The following ATG10 variants were observed in gnomAD, a reference collection of about 807,000 sequenced individuals.
ATG10 encodes the protein autophagy related 10, also known as ubiquitin-like-conjugating enzyme ATG10.
A neutral mutation model predicts 32.1 loss-of-function variants in ATG10; 30 were observed. That is an observed-to-expected ratio of 0.94 (90% CI 0.70 to 1.27). The LOEUF is 1.27. Ranked by LOEUF, ATG10 falls within the 50% of genes most tolerant of loss-of-function variation. The pLI is 0.00. For missense variants in ATG10, 233 were observed against 262.3 expected (o/e 0.89, Z 0.77); for synonymous variants, 87 against 91.5 (o/e 0.95, Z 0.28).
intron 2 of ATG10, among the ~76,000 whole-genome samples, chr5:82,009,161 C>G (rs1762061290): frequency 1.3e-5 from 2 of 152,150 alleles, no homozygotes; most frequent in African/African-American, 4.8e-5. Flanking sequence ...AAGACTCTTT[C>G]TCCTGAACAG....
chr5:82,100,207 A>G (rs1243098415), intron 3 of ATG10, among the ~76,000 whole-genome samples: 1 of 151,658 alleles, frequency 6.6e-6, no homozygotes. Flanking sequence ...GGGTTTCACC[A>G]TGTTGGCCAG....
At chr5:82,097,039 G>A (rs528139549) in intron 3 of ATG10, among the ~76,000 whole-genome samples, 3 of 152,078 alleles carry the variant, frequency 2.0e-5, no homozygotes, top group Non-Finnish European at 2.9e-5. Flanking sequence ...TCTAAATTAA[G>A]CAAAATTTAA....
chr5:82,176,746 C>T (rs1744044748), intron 4 of ATG10, among the ~76,000 whole-genome samples: 1 of 152,120 alleles, frequency 6.6e-6, no homozygotes, highest in African/African-American at 2.4e-5. Flanking sequence ...TGTAGCTAAA[C>T]ATGACATTCA....
Position 82,254,990 on chromosome 5 carries a change from T to C in ATG10, c.*927T>C, listed in dbSNP as rs1038042506. On this transcript the variant is annotated 3_prime_UTR_variant, in exon 8 of 8. Coordinates refer to ENST00000282185, the MANE Select transcript of ATG10 (RefSeq NM_031482.5). ...CACAATATTTTACTGTGAGATAATA[T>C]GTTTTACCAGCAAAGTGTGGCATAG... 5.9e-5 allele frequency: 9 copies of C among 152,042 alleles called. No homozygotes were observed. Among genetic ancestry groups the C allele is most frequent in the African/African-American group, 2.2e-4 (9 of 41,400 alleles). 9.4% of individuals were successfully genotyped at this position (152,042 alleles called of 1,614,324 possible).
rs927168555 is a variant in ATG10, at chr5:82,197,437, T to C, written c.453+18850T>C. 5.8e-5 allele frequency among the ~76,000 whole-genome samples: 8 copies of C among 138,112 alleles called. No individual in the cohort carries two copies. In the Admixed American group the frequency reaches 5.9e-4, roughly 10 times the overall value. The allele number at this position is 138,112 out of a possible 152,430, so 90.6% of individuals were successfully genotyped here. On this transcript the variant is annotated intron_variant, in intron 5 of 7. Transcript: ENST00000282185. ...ATTCTCTAACCCTAACCAGCTTATC[T>C]ATCTATCTATCTATCTGTCTATCTA...
At chr5:82,053,036 A>G (rs2149742677) in intron 2 of ATG10, among the ~76,000 whole-genome samples, 1 of 152,278 alleles carries the variant, frequency 6.6e-6, no homozygotes, top group Admixed American at 6.5e-5. Context: ...TGCATTTTAA[A>G]TTTTGATAGT....
chr5:82,101,343 G>A (rs1765266851), intron 3 of ATG10, among the ~76,000 whole-genome samples: 1 of 152,264 alleles, frequency 6.6e-6, no homozygotes, highest in East Asian at 1.9e-4. Context: ...AGGCAGAAGG[G>A]TGGGTTTGGT....
At chr5:82,016,095 C>A (rs1358887782) in intron 2 of ATG10, among the ~76,000 whole-genome samples, 1 of 151,980 alleles carries the variant, frequency 6.6e-6, no homozygotes. Context: ...TAAATTGTCT[C>A]GTCTATTTAT....
intron 2 of ATG10, among the ~76,000 whole-genome samples, chr5:82,025,822 CT>C (rs1373145804): frequency 2.6e-5 from 4 of 152,166 alleles, no homozygotes; most frequent in Non-Finnish European, 4.4e-5. Flanking sequence ...TTACCTGCCC[CT>C]GACCTTGAAC....
chr5:82,155,642 T>A (rs1054434597), intron 3 of ATG10, among the ~76,000 whole-genome samples: 3 of 152,170 alleles, frequency 2.0e-5, no homozygotes, highest in Admixed American at 6.5e-5. Context: ...TTAGAGAAAC[T>A]GGGCTTATTC....
rs536007683 is a variant in ATG10, at chr5:81,994,745, T to C, written c.108+7067T>C. On this transcript the variant is annotated intron_variant, in intron 2 of 7. Transcript: ENST00000282185. ...CAGTTTTTAAGATTCTGTCTTACTC[T>C]AGCCTTCTTAGTTTGCAGAGGTGGT... Among the ~76,000 whole-genome samples, 37 of 152,362 alleles carry C rather than the reference T, an allele frequency of 2.4e-4. No individual in the cohort carries two copies. The East Asian group carries it at 5.0e-3, about 21-fold the overall frequency.
chr5:81,995,607 C>T (rs1309089273), intron 2 of ATG10, among the ~76,000 whole-genome samples: 1 of 152,034 alleles, frequency 6.6e-6, no homozygotes, highest in Non-Finnish European at 1.5e-5. Flanking sequence ...CTTTCATTTC[C>T]TGTTTTCTAC....
At chr5:82,051,479 A>G (rs1763422918) in intron 2 of ATG10, among the ~76,000 whole-genome samples, 2 of 152,218 alleles carry the variant, frequency 1.3e-5, no homozygotes, top group African/African-American at 4.8e-5. Flanking sequence ...TTTATCAAAG[A>G]TGAAATGTAT....
chr5:81,999,143 C>CAAAAAAAAAAAAAAAAAAAAAAAAAA (rs370637760), intron 2 of ATG10, among the ~76,000 whole-genome samples: 1 of 116,542 alleles, frequency 8.6e-6, no homozygotes, highest in Non-Finnish European at 1.8e-5. Flanking sequence ...AATCCTCAGC[C>CAAAAAAAAAAAAAAAAAAAAAAAAAA]AAAAAAAAAA....
intron 3 of ATG10, among the ~76,000 whole-genome samples, chr5:82,070,824 C>T (rs1421072407): frequency 2.0e-5 from 3 of 152,162 alleles, no homozygotes; most frequent in Middle Eastern, 3.4e-3. Context: ...TGGACTTTTT[C>T]GTTATTTGTT....
intron 2 of ATG10, among the ~76,000 whole-genome samples, chr5:82,029,662 A>G (rs1216069604): frequency 6.6e-6 from 1 of 152,208 alleles, no homozygotes; most frequent in Non-Finnish European, 1.5e-5. Flanking sequence ...AACCAGACTA[A>G]GCTGGACTAA....
intron 3 of ATG10, among the ~76,000 whole-genome samples, chr5:82,123,106 A>G (rs1320490116): frequency 6.6e-6 from 1 of 152,194 alleles, no homozygotes; most frequent in Non-Finnish European, 1.5e-5. Flanking sequence ...AACCTAATCA[A>G]CCTAAATGTC....
chr5:82,227,779 C>T (rs1021356220), intron 5 of ATG10, among the ~76,000 whole-genome samples: 4 of 152,152 alleles, frequency 2.6e-5, no homozygotes, highest in African/African-American at 9.7e-5. Context: ...TTTGCTAGCT[C>T]TGTGACCTGG....
chr5:82,004,379 T>C lies in ATG10; in HGVS notation c.108+16701T>C, dbSNP rs116489378. 6.7e-3 allele frequency among the ~76,000 whole-genome samples: 1,027 copies of C among 152,290 alleles called. 3 individuals are homozygous for C. The highest frequency in any genetic ancestry group is 0.02 in the African/African-American group (821 of 41,558). On this transcript the variant is annotated intron_variant, in intron 2 of 7. Transcript: ENST00000282185. ...AACATGAATCACAGAGTACCCTGTA[T>C]GAAGTATTTGCGTCCCCGAAGTTGA... is the stretch of plus-strand genomic sequence containing the variant.
Sources: gnomAD v4.1 joint callset for allele counts (sites outside exome capture counted in the v4.1 genomes callset) on GRCh38, gnomAD v4.1.1 for gene constraint, MANE v1.5 for transcripts, NCBI Gene and HGNC (gene_info 2026-07-23, HGNC 2026-07-21) for gene names.